Variants in ANKS1B observed in about 807,000 individuals in gnomAD.
The protein encoded by ANKS1B is ankyrin repeat and sterile alpha motif domain containing 1B, also known as ankyrin repeat and sterile alpha motif domain-containing protein 1B.
In ANKS1B, 36 loss-of-function variants were observed where a neutral mutation model predicts 148.3. The observed-to-expected ratio is 0.24, with a 90% CI of 0.19 to 0.32. The LOEUF (loss-of-function observed/expected upper bound fraction) is 0.32. ANKS1B is among the 10% of genes least tolerant of loss of function. The pLI, the probability that ANKS1B is intolerant of heterozygous loss-of-function variation, is 1.00. For missense variants in ANKS1B, 1,157 were observed against 1,542.6 expected, an observed-to-expected ratio of 0.75 and a Z score of 4.19; for synonymous variants, 542 against 560.8, an observed-to-expected ratio of 0.97 and a Z score of 0.47.
At chr12:99,508,874 T>C (rs1362205573) in intron 9 of ANKS1B, among the ~76,000 whole-genome samples, 1 of 151,916 alleles carries the variant, frequency 6.6e-6, no homozygotes, top group Admixed American at 6.6e-5. Context: ...GTTTTACAGA[T>C]ATTGCATTTT....
At chr12:99,269,504 A>AT (rs35128190) in intron 12 of ANKS1B, among the ~76,000 whole-genome samples, 10,408 of 148,044 alleles carry the variant, frequency 0.07, 465 homozygotes, top group Non-Finnish European at 0.1. Flanking sequence ...AAATAAGCAG[A>AT]TTTTTTTTTT....
chr12:99,842,227 T>G (rs117579597), intron 1 of ANKS1B, among the ~76,000 whole-genome samples: 2,848 of 152,244 alleles, frequency 0.019, 42 homozygotes, highest in Non-Finnish European at 0.028. Flanking sequence ...TTATAGTTGT[T>G]TTTTAAATTT....
chr12:98,938,750 T>C (rs1016380718), intron 17 of ANKS1B, among the ~76,000 whole-genome samples: 3 of 152,192 alleles, frequency 2.0e-5, no homozygotes, highest in Non-Finnish European at 2.9e-5. Flanking sequence ...ATAGATCACA[T>C]TGCAGAAACC....
intron 14 of ANKS1B, among the ~76,000 whole-genome samples, chr12:99,204,739 G>A (rs1004859223): frequency 2.0e-5 from 3 of 152,154 alleles, no homozygotes; most frequent in African/African-American, 4.8e-5. Flanking sequence ...GTGACACAGT[G>A]CTTGACTTTG....
chr12:99,101,178 G>A (rs1187693868), intron 15 of ANKS1B, among the ~76,000 whole-genome samples: 1 of 152,186 alleles, frequency 6.6e-6, no homozygotes, highest in African/African-American at 2.4e-5. Flanking sequence ...GCTTCATCCT[G>A]TGGTTCTGGG....
chr12:99,425,660 T>A (rs1361029318), intron 11 of ANKS1B, among the ~76,000 whole-genome samples: 1 of 151,952 alleles, frequency 6.6e-6, no homozygotes, highest in Non-Finnish European at 1.5e-5. Flanking sequence ...TTATTGTGCA[T>A]TTCCTTGATA....
At chr12:99,107,928 G>A (rs992594924) in intron 15 of ANKS1B, among the ~76,000 whole-genome samples, 1 of 152,088 alleles carries the variant, frequency 6.6e-6, no homozygotes, top group Non-Finnish European at 1.5e-5. Context: ...AAACCATAGC[G>A]ACATTACACT....
At chr12:99,201,774 A>G (rs190665436) in intron 14 of ANKS1B, among the ~76,000 whole-genome samples, 2 of 152,344 alleles carry the variant, frequency 1.3e-5, no homozygotes, top group Non-Finnish European at 2.9e-5. Context: ...TAAGGAAAGG[A>G]TGATAGCAAG....
At chr12:99,238,474 G>A (rs980286246) in intron 14 of ANKS1B, among the ~76,000 whole-genome samples, 1 of 152,218 alleles carries the variant, frequency 6.6e-6, no homozygotes, top group African/African-American at 2.4e-5. Context: ...ACCTCTGGGG[G>A]AAGGGCATAG....
At chr12:99,306,662 C>T (rs2082391801) in intron 12 of ANKS1B, among the ~76,000 whole-genome samples, 2 of 152,116 alleles carry the variant, frequency 1.3e-5, no homozygotes, top group African/African-American at 4.8e-5. Context: ...TCCAAAGAGG[C>T]TACCACTTCT....
At chr12:99,339,277 C>T (rs953998457) in intron 12 of ANKS1B, among the ~76,000 whole-genome samples, 1 of 152,140 alleles carries the variant, frequency 6.6e-6, no homozygotes, top group Non-Finnish European at 1.5e-5. Context: ...TGACTTCTCC[C>T]CTGTGTTGCT....
intron 8 of ANKS1B, among the ~76,000 whole-genome samples, chr12:99,730,675 G>C (rs965288526): frequency 6.6e-6 from 1 of 152,122 alleles, no homozygotes; most frequent in African/African-American, 2.4e-5. Context: ...CTCTGTCTGG[G>C]AGCTGAGAAT....
intron 8 of ANKS1B, among the ~76,000 whole-genome samples, chr12:99,679,378 G>A (rs1477367228): frequency 2.6e-5 from 4 of 152,102 alleles, no homozygotes; most frequent in East Asian, 1.9e-4. Flanking sequence ...GCACCATCTC[G>A]ACTCACTGCA....
chr12:99,334,962 T>A (rs1394596826), intron 12 of ANKS1B, among the ~76,000 whole-genome samples: 1 of 152,102 alleles, frequency 6.6e-6, no homozygotes, highest in Non-Finnish European at 1.5e-5. Flanking sequence ...TCTTGGCTAA[T>A]CTCCCAGTTT....
intron 25 of ANKS1B, among the ~76,000 whole-genome samples, chr12:98,752,688 C>T (rs904663884): frequency 6.6e-6 from 1 of 152,150 alleles, no homozygotes; most frequent in Non-Finnish European, 1.5e-5. Context: ...GCCCCACAGC[C>T]CAGTGGCCCC....
intron 16 of ANKS1B, among the ~76,000 whole-genome samples, chr12:99,059,312 C>T (rs181019360): frequency 6.6e-6 from 1 of 152,288 alleles, no homozygotes; most frequent in Non-Finnish European, 1.5e-5. Flanking sequence ...TCACATATGG[C>T]AAGCATATGC....
intron 1 of ANKS1B, among the ~76,000 whole-genome samples, chr12:99,961,048 T>A (rs2095405133): frequency 6.6e-6 from 1 of 152,008 alleles, no homozygotes; most frequent in African/African-American, 2.4e-5. Context: ...GCCAACATGG[T>A]GAAACTCCAT....
chr12:99,557,727 CA>C (rs1844072881), intron 9 of ANKS1B, among the ~76,000 whole-genome samples: 1 of 152,232 alleles, frequency 6.6e-6, no homozygotes, highest in African/African-American at 2.4e-5. Context: ...ATTCTGAATA[CA>C]AAGACAATCT....
At chr12:98,843,679 A>G (rs1252557603) in intron 17 of ANKS1B, among the ~76,000 whole-genome samples, 1 of 152,178 alleles carries the variant, frequency 6.6e-6, no homozygotes, top group African/African-American at 2.4e-5. Context: ...ACTGAAACCC[A>G]GCTAAATAAA....
Sources: allele counts gnomAD v4.1 joint callset (sites outside exome capture counted in the v4.1 genomes callset), GRCh38; gene constraint gnomAD v4.1.1; transcripts MANE v1.5; gene names NCBI Gene and HGNC (gene_info 2026-07-23, HGNC 2026-07-21).